Variants in CHLSN observed in about 807,000 individuals in gnomAD.
The protein encoded by CHLSN is cholesin.
chr7:999,304 C>T, the CHLSN span, among the ~76,000 whole-genome samples: 1 of 152,372 alleles, frequency 6.6e-6, no homozygotes, highest in South Asian at 2.1e-4. Flanking sequence ...AGGCTTGGCC[C>T]GCATGCTGGA....
the CHLSN span, among the ~76,000 whole-genome samples, chr7:1,032,303 T>C: frequency 6.6e-6 from 1 of 152,238 alleles, no homozygotes; most frequent in Admixed American, 6.5e-5. Flanking sequence ...GATCTGCTGT[T>C]GGCCAGAGCA....
At chr7:1,132,649 A>G in the CHLSN span, among the ~76,000 whole-genome samples, 1 of 147,308 alleles carries the variant, frequency 6.8e-6, no homozygotes, top group South Asian at 2.2e-4. Flanking sequence ...AGCCATGATT[A>G]TGCCACTGCA....
At chr7:987,330 C>T in the CHLSN span, 5 of 1,561,492 alleles carry the variant, frequency 3.2e-6, no homozygotes, top group South Asian at 5.7e-5. Flanking sequence ...ACCCAAGCGG[C>T]CCACCCTTTG....
the CHLSN span, among the ~76,000 whole-genome samples, chr7:1,130,826 T>G: frequency 6.6e-6 from 1 of 152,040 alleles, no homozygotes; most frequent in Non-Finnish European, 1.5e-5. Flanking sequence ...CCCGGACGGC[T>G]CAGACACACA....
chr7:1,116,313 G>A, the CHLSN span, among the ~76,000 whole-genome samples: 2 of 134,392 alleles, frequency 1.5e-5, no homozygotes, highest in Non-Finnish European at 3.1e-5. Flanking sequence ...CAGCTCTACG[G>A]ACAGGCTTCC....
chr7:1,085,693 A>AC, the CHLSN span, among the ~76,000 whole-genome samples: 1 of 150,456 alleles, frequency 6.6e-6, no homozygotes, highest in African/African-American at 2.4e-5. Flanking sequence ...AAAAAAAAAA[A>AC]ATTAGCGGCT....
chr7:986,792 G>A, the CHLSN span: 60 of 1,563,584 alleles, frequency 3.8e-5, no homozygotes, highest in East Asian at 9.8e-4. Context: ...GATCCAGCAG[G>A]GACAGGTGTG....
At chr7:1,008,199 G>T in the CHLSN span, among the ~76,000 whole-genome samples, 1 of 152,158 alleles carries the variant, frequency 6.6e-6, no homozygotes. Flanking sequence ...CCATTCCTGC[G>T]GCTGGCACCT....
the CHLSN span, chr7:1,092,459 C>G: frequency 1.9e-6 from 3 of 1,607,934 alleles, no homozygotes; most frequent in Non-Finnish European, 2.5e-6. Flanking sequence ...CTGGTCAGGG[C>G]GCACCGGCAC....
At chr7:1,028,873 C>T in the CHLSN span, 13 of 797,178 alleles carry the variant, frequency 1.6e-5, no homozygotes, top group African/African-American at 2.2e-4. Context: ...CCCCAATCTG[C>T]CCCATCTCTC....
chr7:1,099,036 CTG>C, the CHLSN span, among the ~76,000 whole-genome samples: 1 of 152,276 alleles, frequency 6.6e-6, no homozygotes, highest in Non-Finnish European at 1.5e-5. Flanking sequence ...AAGCGCCGGG[CTG>C]TGTTCCTGCA....
At chr7:1,010,030 A>G in the CHLSN span, 2 of 1,608,980 alleles carry the variant, frequency 1.2e-6, no homozygotes, top group African/African-American at 2.7e-5. Context: ...CCTCCCGCAG[A>G]CGCTGCCTCT....
At chr7:1,092,198 T>C in the CHLSN span, 1 of 1,613,224 alleles carries the variant, frequency 6.2e-7, no homozygotes, top group Non-Finnish European at 8.5e-7. Flanking sequence ...GACCGCTACA[T>C]CGCCCTGGCC....
At chr7:1,127,177 C>T in the CHLSN span, 9 of 1,487,738 alleles carry the variant, frequency 6.0e-6, no homozygotes, top group African/African-American at 1.4e-5. Flanking sequence ...GACCAGCAGG[C>T]TGAGCCACCC....
At chr7:1,068,678 C>T in the CHLSN span, among the ~76,000 whole-genome samples, 1 of 152,082 alleles carries the variant, frequency 6.6e-6, no homozygotes, top group Admixed American at 6.5e-5. Flanking sequence ...TTCACCTGAC[C>T]CAAAAACTTT....
the CHLSN span, chr7:988,830 C>A: frequency 6.6e-7 from 1 of 1,514,334 alleles, no homozygotes; most frequent in African/African-American, 1.4e-5. Context: ...TAGGAGCTCC[C>A]CCAGCCCCCA....
chr7:986,782 G>A, the CHLSN span: 8 of 1,576,900 alleles, frequency 5.1e-6, no homozygotes, highest in Admixed American at 5.4e-5. Context: ...TGGACGCCCT[G>A]ATCCAGCAGG....
At chr7:1,058,119 G>A in the CHLSN span, 2 of 760,090 alleles carry the variant, frequency 2.6e-6, no homozygotes, top group Admixed American at 1.7e-5. Flanking sequence ...GCCAGCACTG[G>A]CCACCCTCTA....
At chr7:1,088,728 A>G in the CHLSN span, among the ~76,000 whole-genome samples, 1,649 of 152,304 alleles carry the variant, frequency 0.011, 29 homozygotes, top group African/African-American at 0.038. This position sits in a 1 kb window ranked among gnomAD's most constrained non-coding sequence, Gnocchi z 4.5. Flanking sequence ...CAGACTTAAT[A>G]CAGCTGACTA....
Sources: allele counts gnomAD v4.1 joint callset (sites outside exome capture counted in the v4.1 genomes callset), GRCh38; gene constraint gnomAD v4.1.1; non-coding constraint Gnocchi (gnomAD v3.1); transcripts MANE v1.5; gene names NCBI Gene and HGNC (gene_info 2026-07-23, HGNC 2026-07-21).